Variants in SLC35F4 observed in about 807,000 individuals in gnomAD.
SLC35F4 encodes solute carrier family 35 member F4.
SLC35F4 carries 24 observed loss-of-function variants against 44.2 expected under a neutral mutation model. That is an observed-to-expected ratio of 0.54 (90% CI 0.39 to 0.76). The LOEUF (loss-of-function observed/expected upper bound fraction) is 0.76, where lower values mean the gene tolerates loss of function less well. Among genes scored for constraint, SLC35F4 ranks in the 30% least tolerant of loss-of-function variants. The pLI is 0.00. For synonymous variants in SLC35F4, 238 were observed against 223.6 expected (o/e 1.06, Z -0.57); for missense variants, 562 against 586.1 (o/e 0.96, Z 0.42).
intron 1 of SLC35F4, among the ~76,000 whole-genome samples, chr14:57,683,977 T>A (rs771440738): frequency 3.2e-4 from 49 of 152,156 alleles, no homozygotes; most frequent in Non-Finnish European, 4.9e-4. Flanking sequence ...TACCAGGTGA[T>A]GCTGGTGGGA....
chr14:57,597,966 G>A (rs2070591582), intron 1 of SLC35F4, among the ~76,000 whole-genome samples: 1 of 152,086 alleles, frequency 6.6e-6, no homozygotes, highest in African/African-American at 2.4e-5. Context: ...GACTATTAGG[G>A]GCCATTTATT....
chr14:57,585,609 A>G (rs1219416953), intron 3 of SLC35F4, among the ~76,000 whole-genome samples: 2 of 152,210 alleles, frequency 1.3e-5, no homozygotes, highest in Non-Finnish European at 2.9e-5. Context: ...CCTCAGCCTA[A>G]AATCTCCTTA....
intron 1 of SLC35F4, among the ~76,000 whole-genome samples, chr14:57,652,660 C>A (rs1192757169): frequency 6.6e-6 from 1 of 151,744 alleles, no homozygotes; most frequent in Non-Finnish European, 1.5e-5. Context: ...AGGATAGTAA[C>A]CCCCACACAA....
chr14:57,866,002 G>A lies in SLC35F4; in HGVS notation c.-177C>T. On this transcript the variant is annotated 5_prime_UTR_variant, in exon 1 of 8. Coordinates refer to ENST00000556826, the MANE Select transcript of SLC35F4 (RefSeq NM_001306087.2). ...GCTCCGCATCACAGCGGCGGCGGCG[G>A]CGGCGGCGGCGGAGCGGCCCCCACT... The A allele has an allele frequency of 2.8e-6, 1 of 359,080 alleles. No homozygotes were observed. The highest frequency in any genetic ancestry group is 7.7e-5 in the South Asian group (1 of 13,062). The allele number at this position is 359,080 out of a possible 1,614,324, so 22.2% of individuals were successfully genotyped here.
chr14:57,945,268 A>G (rs373317246), intron 1 of SLC35F4, among the ~76,000 whole-genome samples: 15 of 152,180 alleles, frequency 9.9e-5, no homozygotes, highest in African/African-American at 3.6e-4. Flanking sequence ...GTGAATTACC[A>G]AAGAGGCCAG....
intron 1 of SLC35F4, among the ~76,000 whole-genome samples, chr14:57,730,549 A>G (rs1270655692): frequency 6.6e-6 from 1 of 152,198 alleles, no homozygotes; most frequent in East Asian, 1.9e-4. Flanking sequence ...AAGATAATAG[A>G]AAGATTGTAA....
At chr14:57,874,811 G>A (rs1023840923) in intron 1 of SLC35F4, among the ~76,000 whole-genome samples, 1 of 152,072 alleles carries the variant, frequency 6.6e-6, no homozygotes, top group Non-Finnish European at 1.5e-5. Flanking sequence ...CCTGGGCTTG[G>A]TAGACAGAAG....
chr14:57,880,078 AAGGAAGGAAGGAAG>A (rs1566920032), intron 1 of SLC35F4, among the ~76,000 whole-genome samples: 2 of 124,578 alleles, frequency 1.6e-5, no homozygotes, highest in Non-Finnish European at 3.3e-5. Flanking sequence ...GGAAGGAAGG[AAGGAAGGAAGGAAG>A]GAAGGAAGGA....
intron 1 of SLC35F4, among the ~76,000 whole-genome samples, chr14:57,696,540 A>G (rs2075387890): frequency 6.6e-6 from 1 of 152,242 alleles, no homozygotes; most frequent in Admixed American, 6.5e-5. Flanking sequence ...AAGAAATACC[A>G]TTTGACCCAG....
In SLC35F4 at chr14:57,893,868, T is replaced by A. The variant is rs764838574; in HGVS notation, n.282+88045A>T. Among the ~76,000 whole-genome samples, 6 of 151,366 alleles carry A rather than the reference T, an allele frequency of 4.0e-5. No homozygotes were observed. The South Asian group carries it at 1.3e-3, about 32-fold the overall frequency. ...CGTTCTGAGTATATTTCAGTTTAAG[T>A]ATATCACAATTCAAACCCCATCCCA... On this transcript the variant is annotated intron_variant and non_coding_transcript_variant, in intron 1 of 1. Transcript: ENST00000556568.
chr14:57,870,923 G>C (rs1176768730), upstream of SLC35F4, among the ~76,000 whole-genome samples: 1 of 152,232 alleles, frequency 6.6e-6, no homozygotes, highest in Admixed American at 6.5e-5. Context: ...CAGAAGTTCA[G>C]TGCTTTGCAG....
chr14:57,589,599 G>A lies in SLC35F4; in HGVS notation c.290-86C>T, dbSNP rs2070027642. Reference sequence around the variant, plus strand: ...TATCAGCTCCTTAAAAAAGATGGATGAAACCAAAGAGGCAGACAGTAGAAT... The same window carrying A: ...TATCAGCTCCTTAAAAAAGATGGATAAAACCAAAGAGGCAGACAGTAGAAT... On this transcript the variant is annotated intron_variant, in intron 2 of 7. Coordinates refer to ENST00000556826, the MANE Select transcript of SLC35F4 (RefSeq NM_001306087.2). 26 of 1,311,362 alleles carry A rather than the reference G, an allele frequency of 2.0e-5. No individual in the cohort carries two copies. The South Asian group carries it at 2.3e-4, about 12-fold the overall frequency. 81.2% of individuals were successfully genotyped at this position (1,311,362 alleles called of 1,614,324 possible). A position where few individuals can be genotyped will look rare whatever the true frequency, so the allele number is the denominator to read the frequency against.
At chr14:57,824,489 A>G (rs2140918974) in intron 1 of SLC35F4, among the ~76,000 whole-genome samples, 1 of 152,344 alleles carries the variant, frequency 6.6e-6, no homozygotes, top group African/African-American at 2.4e-5. Flanking sequence ...GATGATTGAT[A>G]AACAGATGAT....
At chr14:57,776,665 C>CAAAAAAAAAAAAAAAAA (rs57272978) in intron 1 of SLC35F4, among the ~76,000 whole-genome samples, 25 of 72,068 alleles carry the variant, frequency 3.5e-4, no homozygotes, top group African/African-American at 1.1e-3. Context: ...GACTCCATCT[C>CAAAAAAAAAAAAAAAAA]AAAAAAAAAA....
intron 1 of SLC35F4, among the ~76,000 whole-genome samples, chr14:57,778,720 T>C (rs2077550574): frequency 6.6e-6 from 1 of 151,296 alleles, no homozygotes; most frequent in Non-Finnish European, 1.5e-5. Flanking sequence ...CACAATCAGA[T>C]ATAAAACAAT....
intron 1 of SLC35F4, among the ~76,000 whole-genome samples, chr14:57,745,399 C>A (rs2076728327): frequency 6.6e-6 from 1 of 152,118 alleles, no homozygotes; most frequent in Non-Finnish European, 1.5e-5. Context: ...AAAAATCAAG[C>A]AACCCCATCA....
intron 1 of SLC35F4, among the ~76,000 whole-genome samples, chr14:57,830,072 T>C (rs1884195410): frequency 6.6e-6 from 1 of 152,188 alleles, no homozygotes; most frequent in Non-Finnish European, 1.5e-5. Context: ...GTATATAATT[T>C]TTAACTTTAC....
At chr14:57,565,389 T>C (rs767169519) in intron 7 of SLC35F4, among the ~76,000 whole-genome samples, 9 of 152,220 alleles carry the variant, frequency 5.9e-5, no homozygotes, top group African/African-American at 2.2e-4. Context: ...TGGATGCTCC[T>C]CCTATGCGCC....
intron 1 of SLC35F4, among the ~76,000 whole-genome samples, chr14:57,776,063 G>T (rs1229470461): frequency 1.3e-5 from 2 of 152,132 alleles, no homozygotes; most frequent in Non-Finnish European, 2.9e-5. Flanking sequence ...AGAGCTCGAA[G>T]ACTGGTTTTC....
Sources: gnomAD v4.1 joint callset for allele counts (sites outside exome capture counted in the v4.1 genomes callset) on GRCh38, gnomAD v4.1.1 for gene constraint, MANE v1.5 for transcripts, NCBI Gene and HGNC (gene_info 2026-07-23, HGNC 2026-07-21) for gene names.